Variants in PTX3 observed in about 807,000 individuals in gnomAD.
PTX3 encodes the protein pentraxin-related protein PTX3.
In PTX3, 24 loss-of-function variants were observed where a neutral mutation model predicts 23.5. That is an observed-to-expected ratio of 1.02 (90% CI 0.74 to 1.43). The LOEUF (loss-of-function observed/expected upper bound fraction) is 1.43. Ranked by LOEUF, PTX3 falls within the 40% of genes most tolerant of loss-of-function variation. The probability of loss-of-function intolerance (pLI) is 0.00; values close to 1 mark genes in which losing one functional copy is unlikely to be tolerated. For missense variants in PTX3, 510 were observed against 497.5 expected, an observed-to-expected ratio of 1.02 and a Z score of -0.24; for synonymous variants, 218 against 205.4, an observed-to-expected ratio of 1.06 and a Z score of -0.53.
intron 2 of PTX3, 105 bp downstream of exon 2, chr3:157,438,019 A>T: frequency 9.7e-6 from 11 of 1,133,488 alleles, no homozygotes; most frequent in East Asian, 3.2e-5. Context: ...CTTTCATGGG[A>T]AGCGCGCGCG....
chr3:157,437,647 C>T lies in PTX3; in HGVS notation c.265C>T (p.Arg89Trp). Residue 89 changes from arginine (R) to tryptophan (W), a missense_variant, in exon 2 of 3, where the codon CGG becomes TGG. By Grantham distance (101) the Arg-to-Trp change is moderately radical (BLOSUM62 -3). Transcript: ENST00000295927. ...DVLRGELQRL[R>W]EELGRLAESL... The stretch of plus-strand genomic sequence containing the variant: ...CCTGCGGGGCGAGCTGCAGAGGCTG[C>T]GGGAGGAGCTGGGCCGGCTCGCGGA... 2 of 1,547,846 alleles carry T rather than the reference C, an allele frequency of 1.3e-6. No homozygotes were observed. The highest frequency in any genetic ancestry group is 1.7e-6 in the Non-Finnish European group (2 of 1,149,094).
Position 157,436,872 on chromosome 3 carries a change from AC to A in PTX3, c.-61del. 6.4e-7 allele frequency: 1 copy of A among 1,574,752 alleles called. No homozygotes were observed. Among genetic ancestry groups the A allele is most frequent in the Non-Finnish European group, 8.7e-7 (1 of 1,155,226 alleles). ...CTCACTCTCACTCTCCTCCGCTCAA[AC>A]TCAGCTCACTTGAGAGTCTCCTCCC... On this transcript the variant is annotated 5_prime_UTR_variant, in exon 1 of 3. Transcript: ENST00000295927.
chr3:157,442,139 T>G (rs1449118842), intron 2 of PTX3, among the ~76,000 whole-genome samples: 4 of 152,234 alleles, frequency 2.6e-5, no homozygotes, highest in African/African-American at 9.6e-5. Flanking sequence ...ATTTGCGTGC[T>G]TTCTCTTCAT....
At chr3:157,440,231 G>A (rs1297427780) in intron 2 of PTX3, among the ~76,000 whole-genome samples, 3 of 152,150 alleles carry the variant, frequency 2.0e-5, no homozygotes, top group Non-Finnish European at 4.4e-5. Context: ...AAATTATTTA[G>A]TGAAAAAGTA....
intron 2 of PTX3, among the ~76,000 whole-genome samples, chr3:157,441,267 C>T (rs1232043694): frequency 6.6e-6 from 1 of 152,182 alleles, no homozygotes; most frequent in Non-Finnish European, 1.5e-5. Flanking sequence ...TACTGCTTAT[C>T]AGCTATGTAA....
intron 1 of PTX3, 26 bp from the exon 2 acceptor site, chr3:157,437,487 T>C: frequency 3.1e-6 from 5 of 1,591,050 alleles, no homozygotes; most frequent in Non-Finnish European, 4.3e-6. Flanking sequence ...GGCGGGCTGC[T>C]AACGTGTGTG....
rs565853397 is a variant in PTX3, at chr3:157,442,911, C to T, written c.1078C>T (p.Arg360Trp). 50 of 1,614,004 alleles carry T rather than the reference C, an allele frequency of 3.1e-5. No individual in the cohort carries two copies. Among genetic ancestry groups the T allele is most frequent in the East Asian group, 1.1e-4 (5 of 44,882 alleles). Residue 360 changes from arginine to tryptophan, a missense_variant, in exon 3 of 3, where the codon CGG (arginine) becomes TGG (tryptophan). Transcript: ENST00000295927. ...CGGAGGAGCAGAGTCTTGTCACATC[C>T]GGGGGAATATTGTTGGGTGGGGAGT... ...ETGGAESCHI[R>W]GNIVGWGVTE...
chr3:157,437,003 G>C lies in PTX3; in HGVS notation c.70G>C (p.Asp24His). 1.2e-6 allele frequency: 2 copies of C among 1,613,990 alleles called. No homozygotes were observed. Among genetic ancestry groups the C allele is most frequent in the Non-Finnish European group, 1.7e-6 (2 of 1,179,894 alleles). Residue 24 changes from aspartate to histidine, a missense_variant, in exon 1 of 3, where the codon GAT (aspartate) becomes CAT (histidine). Transcript: ENST00000295927. ...GTTGGCCGAGAACTCGGATGATTAT[G>C]ATCTCATGTATGTGAATTTGGACAA... ...AVLAENSDDY[D>H]LMYVNLDNEI...
At chr3:157,438,127 A>G (rs1168439457) in intron 2 of PTX3, among the ~76,000 whole-genome samples, 1 of 151,876 alleles carries the variant, frequency 6.6e-6, no homozygotes, top group Non-Finnish European at 1.5e-5. Context: ...AAGGCGGGAA[A>G]ATTGGCTTTA....
Position 157,442,633 on chromosome 3 carries a change from G to T in PTX3, c.800G>T (p.Trp267Leu), listed in dbSNP as rs899979858. 6.2e-7 allele frequency: 1 copy of T among 1,614,216 alleles called. No homozygotes were observed. The highest frequency in any genetic ancestry group is 8.5e-7 in the Non-Finnish European group (1 of 1,180,046). ...GAAGCCATGGTTTCCCTGGGAAGGTGGACCCACCTGTGCGGCACCTGGAAT... is the reference window on the plus strand; with the variant it reads ...GAAGCCATGGTTTCCCTGGGAAGGTTGACCCACCTGTGCGGCACCTGGAAT... ...VAEAMVSLGR[W>L]THLCGTWNSE... Residue 267 changes from tryptophan to leucine, a missense_variant, in exon 3 of 3, where the codon TGG becomes TTG. Trp to Leu is a moderately conservative substitution (Grantham distance 61). Coordinates refer to ENST00000295927, the MANE Select transcript of PTX3 (RefSeq NM_002852.4).
Position 157,442,799 on chromosome 3 carries a change from C to T in PTX3, c.966C>T (p.Gly322=). The T allele has an allele frequency of 6.2e-7, 1 of 1,614,196 alleles. No individual in the cohort carries two copies. Among genetic ancestry groups the T allele is most frequent in the Non-Finnish European group, 8.5e-7 (1 of 1,180,050 alleles). Reference sequence around the variant, plus strand: ...AGAATGGCTGCTGTGTGGGTGGTGGCTTTGATGAAACATTAGCCTTCTCTG... The same window carrying T: ...AGAATGGCTGCTGTGTGGGTGGTGGTTTTGATGAAACATTAGCCTTCTCTG... ...QEKNGCCVGG[G]FDETLAFSGR... is the part of the protein sequence containing the mutation. The change falls in exon 3 of 3, where the codon GGC becomes GGT. Residue 322 remains glycine, a synonymous_variant. Transcript: ENST00000295927.
In PTX3 at chr3:157,438,031, G is replaced by GCACACACA. The variant is rs1213951055; in HGVS notation, c.532+118_532+119insACACACAC. ...AAGCTTTCATGGGAAGCGCGCGCGCGCGCGCGCACACACACACACACACAC... is the reference window on the plus strand; with the variant it reads ...AAGCTTTCATGGGAAGCGCGCGCGCGCACACACACGCGCGCACACACACACACACACAC... On this transcript the variant is annotated intron_variant, in intron 2 of 2. Transcript: ENST00000295927. The GCACACACA allele has an allele frequency of 7.4e-5, 61 of 820,276 alleles. No individual in the cohort carries two copies. In the African/African-American group the frequency reaches 1.2e-3, roughly 17 times the overall value. The allele number at this position is 820,276 out of a possible 1,614,324, so 50.8% of individuals were successfully genotyped here. A position where few individuals can be genotyped will look rare whatever the true frequency, so the allele number is the denominator to read the frequency against.
At chr3:157,438,184 G>T (rs189531273) in intron 2 of PTX3, among the ~76,000 whole-genome samples, 26 of 152,098 alleles carry the variant, frequency 1.7e-4, no homozygotes, top group Non-Finnish European at 3.2e-4. Context: ...AGTTGTGGAG[G>T]TAACCATCAC....
intron 2 of PTX3, among the ~76,000 whole-genome samples, chr3:157,439,242 C>T (rs945555288): frequency 6.6e-6 from 1 of 152,112 alleles, no homozygotes; most frequent in African/African-American, 2.4e-5. Context: ...CCTGAAAAAC[C>T]GAAGAATTAC....
At chr3:157,441,076 C>T (rs950705965) in intron 2 of PTX3, among the ~76,000 whole-genome samples, 12 of 152,124 alleles carry the variant, frequency 7.9e-5, no homozygotes, top group Non-Finnish European at 1.8e-4. Context: ...TTTTAGATAA[C>T]GCTAAAGCCT....
chr3:157,440,057 T>G (rs1734001455), intron 2 of PTX3, among the ~76,000 whole-genome samples: 1 of 152,186 alleles, frequency 6.6e-6, no homozygotes, highest in African/African-American at 2.4e-5. Flanking sequence ...TATTGAAACT[T>G]TATAGAGACT....
Position 157,437,813 on chromosome 3 carries a change from A to C in PTX3, c.431A>C (p.Glu144Ala). 1.4e-6 allele frequency: 2 copies of C among 1,462,224 alleles called. No individual in the cohort carries two copies. Among genetic ancestry groups the C allele is most frequent in the Middle Eastern group, 2.4e-4 (1 of 4,142 alleles). 90.6% of individuals were successfully genotyped at this position (1,462,224 alleles called of 1,614,324 possible). ...MEGAEAQRPE[E>A]AGRALAAVLE... Reference sequence around the variant, plus strand: ...GGCGCGGAGGCGCAGCGCCCAGAGGAGGCGGGGCGCGCCCTGGCCGCGGTG... The same window carrying C: ...GGCGCGGAGGCGCAGCGCCCAGAGGCGGCGGGGCGCGCCCTGGCCGCGGTG... Residue 144 changes from glutamate to alanine, a missense_variant, in exon 2 of 3, where the codon GAG (glutamate) becomes GCG (alanine). Glu to Ala is a moderately radical substitution (Grantham distance 107). Coordinates refer to ENST00000295927, the MANE Select transcript of PTX3 (RefSeq NM_002852.4).
chr3:157,441,273 T>C (rs900325183), intron 2 of PTX3, among the ~76,000 whole-genome samples: 1 of 152,244 alleles, frequency 6.6e-6, no homozygotes, highest in Non-Finnish European at 1.5e-5. Context: ...TTATCAGCTA[T>C]GTAAACATAG....
At chr3:157,438,055 A>ACC in intron 2 of PTX3, 141 bp downstream of exon 2, 1 of 737,022 alleles carries the variant, frequency 1.4e-6, no homozygotes, top group Non-Finnish European at 2.1e-6. Context: ...ACACACACAC[A>ACC]CACACACACA....
Sources: allele counts gnomAD v4.1 joint callset (sites outside exome capture counted in the v4.1 genomes callset), GRCh38; gene constraint gnomAD v4.1.1; transcripts MANE v1.5; gene names NCBI Gene and HGNC (gene_info 2026-07-23, HGNC 2026-07-21).